SUMF1: variants seen among roughly 807,000 people sequenced by gnomAD.
The protein encoded by SUMF1 is sulfatase modifying factor 1.
In SUMF1, 48 loss-of-function variants were observed where a neutral mutation model predicts 47.6. The ratio of observed to expected loss-of-function variants is 1.01; its 90% CI spans 0.80 to 1.28. The LOEUF is 1.28. Ranked by LOEUF, SUMF1 falls within the 50% of genes most tolerant of loss-of-function variation. The probability of loss-of-function intolerance (pLI) is 0.00; values close to 1 mark genes in which losing one functional copy is unlikely to be tolerated. For synonymous variants in SUMF1, 230 were observed against 192.1 expected (o/e 1.20, Z -1.63); for missense variants, 571 against 485.4 (o/e 1.18, Z -1.66).
intron 8 of SUMF1, among the ~76,000 whole-genome samples, chr3:4,353,053 G>A (rs1270781102): frequency 6.6e-6 from 1 of 152,114 alleles, no homozygotes; most frequent in Non-Finnish European, 1.5e-5. Context: ...AGAAATCATT[G>A]AGGACCCCAC....
At chr3:4,229,540 T>A (rs1005269120) in intron 8 of SUMF1, among the ~76,000 whole-genome samples, 10 of 152,182 alleles carry the variant, frequency 6.6e-5, no homozygotes, top group Non-Finnish European at 1.3e-4. Context: ...CTGTGAGGAC[T>A]ACATGAAATA....
At chr3:4,389,604 C>T (rs1700788321) in intron 7 of SUMF1, among the ~76,000 whole-genome samples, 1 of 152,094 alleles carries the variant, frequency 6.6e-6, no homozygotes, top group South Asian at 2.1e-4. Flanking sequence ...AATGTGAGAA[C>T]TTTTGTTATA....
Position 4,466,979 on chromosome 3 carries a change from TG to T in SUMF1, c.266del (p.Ser89Ter), listed in dbSNP as rs2079966666. 6.2e-7 allele frequency: 1 copy of T among 1,604,368 alleles called. No homozygotes were observed. The highest frequency in any genetic ancestry group is 8.5e-7 in the Non-Finnish European group (1 of 1,177,090). ...PVPGERQLAH[S>X]KMVPIPAGVF... ...CTCGGAGGAATCGATGGAGCACCTT[TG>T]AGTGCGCGAGTTGCCGCTCTCCGGG... is the stretch of plus-strand genomic sequence containing the variant. On this transcript the variant is annotated frameshift_variant, in exon 1 of 9. Transcript: ENST00000272902. LOFTEE classifies it high-confidence loss of function.
intron 8 of SUMF1, among the ~76,000 whole-genome samples, chr3:4,112,366 G>T (rs1693327828): frequency 6.6e-6 from 1 of 152,106 alleles, no homozygotes; most frequent in South Asian, 2.1e-4. Flanking sequence ...TTATACCTTA[G>T]CATTACTTAG....
chr3:4,195,144 AACAAGTCATTAAGATACACATT>A (rs994808695), intron 8 of SUMF1, among the ~76,000 whole-genome samples: 3 of 152,148 alleles, frequency 2.0e-5, no homozygotes, highest in Non-Finnish European at 4.4e-5. Context: ...TAGGAATAAT[AACAAGTCATTAAGATACACATT>A]ACAAAGGAAA....
chr3:4,107,966 A>G (rs557904378), intron 8 of SUMF1, among the ~76,000 whole-genome samples: 1 of 152,260 alleles, frequency 6.6e-6, no homozygotes, highest in Non-Finnish European at 1.5e-5. Context: ...GAAAGAGATA[A>G]GGAGGTCAGG....
chr3:4,127,609 C>T (rs1395586409), intron 8 of SUMF1, among the ~76,000 whole-genome samples: 1 of 152,118 alleles, frequency 6.6e-6, no homozygotes, highest in Non-Finnish European at 1.5e-5. Context: ...CCTCTCCTTG[C>T]TCCTCAGCCT....
At chr3:4,444,865 T>A (rs1034470948) in intron 3 of SUMF1, among the ~76,000 whole-genome samples, 1 of 152,192 alleles carries the variant, frequency 6.6e-6, no homozygotes, top group African/African-American at 2.4e-5. Flanking sequence ...TGTTTTCTAC[T>A]ACAAGATACT....
At chr3:4,055,673 G>C (rs1695181492) in intron 9 of SUMF1, among the ~76,000 whole-genome samples, 1 of 151,950 alleles carries the variant, frequency 6.6e-6, no homozygotes, top group Non-Finnish European at 1.5e-5. Context: ...TGTAGAGATG[G>C]GGTCTTGCTA....
chr3:4,413,518 A>C (rs1701611982), intron 6 of SUMF1, among the ~76,000 whole-genome samples: 1 of 152,118 alleles, frequency 6.6e-6, no homozygotes, highest in Non-Finnish European at 1.5e-5. Flanking sequence ...AGGAAAATAA[A>C]AATGTTAACT....
chr3:4,222,436 C>A (rs1267093728), intron 8 of SUMF1, among the ~76,000 whole-genome samples: 1 of 152,010 alleles, frequency 6.6e-6, no homozygotes, highest in Non-Finnish European at 1.5e-5. Flanking sequence ...TGAGTTCTTT[C>A]ACTCACACAA....
intron 8 of SUMF1, among the ~76,000 whole-genome samples, chr3:4,130,021 A>G (rs1451579617): frequency 2.0e-5 from 3 of 152,144 alleles, no homozygotes; most frequent in Non-Finnish European, 4.4e-5. Flanking sequence ...CTACCTAGAA[A>G]AATAGTAAAT....
intron 8 of SUMF1, among the ~76,000 whole-genome samples, chr3:4,272,491 C>T (rs576324439): frequency 2.3e-4 from 35 of 152,170 alleles, no homozygotes; most frequent in Admixed American, 6.5e-4. Context: ...CAAGGTGACT[C>T]TTCCTCTAAG....
intron 9 of SUMF1, among the ~76,000 whole-genome samples, chr3:4,052,440 T>G (rs1000880219): frequency 6.6e-6 from 1 of 152,184 alleles, no homozygotes; most frequent in African/African-American, 2.4e-5. Flanking sequence ...AGCTTGGGGC[T>G]AGCCCACTGC....
At position 4,403,273 on chromosome 3, in the gene SUMF1, A is replaced by G. The variant is rs1701272458; in HGVS notation, c.954+7592T>C. Among the ~76,000 whole-genome samples the G allele has an allele frequency of 3.3e-5, 5 of 152,296 alleles. No individual in the cohort carries two copies. The South Asian group carries it at 1.0e-3, about 32-fold the overall frequency. On this transcript the variant is annotated intron_variant, in intron 7 of 8. Transcript: ENST00000272902. Reference sequence around the variant, plus strand: ...AGTGACAAGATTCAAACCCAGCCTGATTGGCATCCACTAACCAAACTCTTA... The same window carrying G: ...AGTGACAAGATTCAAACCCAGCCTGGTTGGCATCCACTAACCAAACTCTTA...
chr3:4,322,137 G>T (rs985245966), intron 8 of SUMF1, among the ~76,000 whole-genome samples: 2 of 152,076 alleles, frequency 1.3e-5, no homozygotes, highest in Non-Finnish European at 2.9e-5. Flanking sequence ...ACAACCAAGA[G>T]GAGTCAAAGA....
chr3:4,449,749 C>T (rs1702907559), intron 2 of SUMF1, among the ~76,000 whole-genome samples: 1 of 152,228 alleles, frequency 6.6e-6, no homozygotes, highest in Admixed American at 6.5e-5. Flanking sequence ...TGCTCACATT[C>T]TGACACATTC....
chr3:4,245,985 C>A (rs917454572), intron 8 of SUMF1, among the ~76,000 whole-genome samples: 4 of 152,214 alleles, frequency 2.6e-5, no homozygotes, highest in African/African-American at 9.6e-5. Flanking sequence ...CCTTTCCCTG[C>A]CAAGCTCCAG....
intron 3 of SUMF1, among the ~76,000 whole-genome samples, chr3:4,441,599 C>T (rs1702589538): frequency 6.6e-6 from 1 of 152,122 alleles, no homozygotes; most frequent in African/African-American, 2.4e-5. Context: ...AATAGCAAAA[C>T]TTGCCTTAAT....
Sources: allele counts gnomAD v4.1 joint callset (sites outside exome capture counted in the v4.1 genomes callset), GRCh38; gene constraint gnomAD v4.1.1; transcripts MANE v1.5; gene names NCBI Gene and HGNC (gene_info 2026-07-23, HGNC 2026-07-21).